POC1B: variants seen among roughly 807,000 people sequenced by gnomAD.
The protein encoded by POC1B is POC1 centriolar protein B.
In POC1B, 44 loss-of-function variants were observed where a neutral mutation model predicts 60.6. The ratio of observed to expected loss-of-function variants is 0.73; its 90% CI spans 0.57 to 0.93. The LOEUF is 0.93. POC1B is among the 40% of genes least tolerant of loss of function. The pLI is 0.00. For synonymous variants in POC1B, 180 were observed against 198.9 expected (o/e 0.90, Z 0.80); for missense variants, 555 against 572.3 (o/e 0.97, Z 0.31).
At chr12:89,467,377 G>A (rs113594506) in intron 8 of POC1B, among the ~76,000 whole-genome samples, 2,149 of 152,214 alleles carry the variant, frequency 0.014, 30 homozygotes, top group Non-Finnish European at 0.021. Flanking sequence ...GACATATAGT[G>A]TCAGTTACAT....
chr12:89,512,779 C>A (rs1870250023), intron 2 of POC1B, among the ~76,000 whole-genome samples: 1 of 152,088 alleles, frequency 6.6e-6, no homozygotes, highest in Non-Finnish European at 1.5e-5. Context: ...AACAACAAGG[C>A]AGATAAATAT....
intron 2 of POC1B, among the ~76,000 whole-genome samples, chr12:89,504,296 T>C (rs528772038): frequency 1.3e-5 from 2 of 152,364 alleles, no homozygotes; most frequent in African/African-American, 4.8e-5. Context: ...TGTTGATCTA[T>C]GACCTTGCCC....
intron 2 of POC1B, chr12:89,523,804 G>A (rs749449772): frequency 7.8e-6 from 12 of 1,535,190 alleles, no homozygotes; most frequent in Middle Eastern, 1.8e-4. Flanking sequence ...CACAACTGCT[G>A]TTTCATCTCT....
Position 89,474,211 on chromosome 12 carries a change from G to GA in POC1B, c.453-1937dup, listed in dbSNP as rs796375407. On this transcript the variant is annotated intron_variant, in intron 4 of 11. Coordinates refer to ENST00000313546, the MANE Select transcript of POC1B (RefSeq NM_172240.3). ...ACAGAGTAAGACTCTGTCTCAAAAG[G>GA]AAAAAAAAAAAACCTGTAAAAAACT... Among the ~76,000 whole-genome samples, 799 of 139,024 alleles carry GA rather than the reference G, an allele frequency of 5.7e-3. 8 individuals carry two copies. Among genetic ancestry groups the GA allele is most frequent in the East Asian group, 0.031 (148 of 4,818 alleles). The allele number at this position is 139,024 out of a possible 152,430, so 91.2% of individuals were successfully genotyped here.
At chr12:89,489,640 C>A (rs1250434195) in intron 4 of POC1B, among the ~76,000 whole-genome samples, 1 of 152,054 alleles carries the variant, frequency 6.6e-6, no homozygotes, top group Non-Finnish European at 1.5e-5. Context: ...ACAGACAGAG[C>A]AAAGCTGAAA....
chr12:89,436,896 C>T (rs1181500155), intron 10 of POC1B, among the ~76,000 whole-genome samples: 1 of 152,140 alleles, frequency 6.6e-6, no homozygotes, highest in African/African-American at 2.4e-5. Context: ...TCAATCAAGT[C>T]AAGATTCTCA....
chr12:89,460,422 T>A (rs1882443039), intron 9 of POC1B, among the ~76,000 whole-genome samples: 1 of 152,134 alleles, frequency 6.6e-6, no homozygotes, highest in Non-Finnish European at 1.5e-5. Context: ...ATAAATATAT[T>A]CAGAATATTC....
the POC1B span, among the ~76,000 whole-genome samples, chr12:89,406,584 G>A: frequency 6.6e-6 from 1 of 152,062 alleles, no homozygotes; most frequent in South Asian, 2.1e-4. Context: ...ATCCATCACT[G>A]TATCTCCATT....
At chr12:89,525,467 C>T in intron 1 of POC1B, 1 of 1,338,792 alleles carries the variant, frequency 7.5e-7, no homozygotes. Flanking sequence ...TCGCAGGAAC[C>T]GCGGCCCCTT....
At chr12:89,407,845 T>A in the POC1B span, among the ~76,000 whole-genome samples, 6,457 of 152,302 alleles carry the variant, frequency 0.042, 243 homozygotes, top group South Asian at 0.14. Flanking sequence ...CTGGGATACA[T>A]GTGCAGAACG....
At chr12:89,524,293 T>C in intron 2 of POC1B, 1 of 1,614,042 alleles carries the variant, frequency 6.2e-7, no homozygotes. Flanking sequence ...TTCATCCTCG[T>C]TGAGCTGGAG....
intron 6 of POC1B, among the ~76,000 whole-genome samples, chr12:89,471,090 C>A (rs1253931281): frequency 6.6e-6 from 1 of 152,084 alleles, no homozygotes; most frequent in Non-Finnish European, 1.5e-5. Flanking sequence ...AATAATGATA[C>A]CTCCTAGGAA....
At chr12:89,471,394 T>C (rs1378020360) in intron 6 of POC1B, among the ~76,000 whole-genome samples, 1 of 152,184 alleles carries the variant, frequency 6.6e-6, no homozygotes, top group African/African-American at 2.4e-5. Flanking sequence ...TTTTTTTCTT[T>C]AAACCAGCCC....
chr12:89,425,516 G>A, intron 10 of POC1B, 137 bp from the exon 11 acceptor site: 1 of 566,020 alleles, frequency 1.8e-6, no homozygotes, highest in Non-Finnish European at 3.0e-6. Context: ...ATAAGTTATG[G>A]AAATTACTAT....
At chr12:89,470,895 G>A (rs1188019169) in intron 6 of POC1B, among the ~76,000 whole-genome samples, 1 of 152,200 alleles carries the variant, frequency 6.6e-6, no homozygotes, top group Non-Finnish European at 1.5e-5. Context: ...GCACAGTCCT[G>A]CCATCATGCT....
At chr12:89,503,800 C>T (rs1218979427) in intron 2 of POC1B, among the ~76,000 whole-genome samples, 2 of 129,042 alleles carry the variant, frequency 1.5e-5, no homozygotes, top group East Asian at 2.4e-4. Context: ...CCCCTCCGCC[C>T]GGCAGCCGCC....
intron 10 of POC1B, among the ~76,000 whole-genome samples, chr12:89,438,124 A>G (rs1258133187): frequency 6.7e-6 from 1 of 149,948 alleles, no homozygotes; most frequent in Non-Finnish European, 1.5e-5. Flanking sequence ...TCACTTTTCT[A>G]CTCCCTTCAT....
At chr12:89,438,306 A>C (rs1300648107) in intron 10 of POC1B, among the ~76,000 whole-genome samples, 1 of 151,854 alleles carries the variant, frequency 6.6e-6, no homozygotes, top group Admixed American at 6.6e-5. Context: ...AAATACAAAA[A>C]ATTAGCTGGG....
At chr12:89,441,881 A>G (rs1173954900) in intron 10 of POC1B, among the ~76,000 whole-genome samples, 1 of 152,212 alleles carries the variant, frequency 6.6e-6, no homozygotes, top group East Asian at 1.9e-4. Flanking sequence ...TTGAAAAAAG[A>G]TTAGACGAAT....
Sources: gnomAD v4.1 joint callset for allele counts (sites outside exome capture counted in the v4.1 genomes callset) on GRCh38, gnomAD v4.1.1 for gene constraint, MANE v1.5 for transcripts, NCBI Gene and HGNC (gene_info 2026-07-23, HGNC 2026-07-21) for gene names.